RAP1GAP: variants seen among roughly 807,000 people sequenced by gnomAD.
The protein encoded by RAP1GAP is rap1 GTPase-activating protein 1.
RAP1GAP carries 35 observed loss-of-function variants against 87.2 expected under a neutral mutation model. That is an observed-to-expected ratio of 0.40 (90% CI 0.31 to 0.53). The LOEUF is 0.53. Among genes scored for constraint, RAP1GAP ranks in the 20% least tolerant of loss-of-function variants. RAP1GAP has a pLI of 0.48. For synonymous variants in RAP1GAP, 375 were observed against 363.9 expected (o/e 1.03, Z -0.35); for missense variants, 734 against 898.9 (o/e 0.82, Z 2.35).
chr1:21,612,904 A>C (rs2149411661), intron 10 of RAP1GAP: 1 of 507,746 alleles, frequency 2.0e-6, no homozygotes, highest in East Asian at 3.3e-5. Flanking sequence ...AGGGTCCCCA[A>C]ACATCACAGA....
At chr1:21,599,952 G>A (rs914426681) in intron 20 of RAP1GAP, among the ~76,000 whole-genome samples, 2 of 152,178 alleles carry the variant, frequency 1.3e-5, no homozygotes, top group Admixed American at 6.5e-5. Context: ...TCGGGTGCAC[G>A]TTCACTCTGC....
chr1:21,635,357 G>A (rs1339959904), intron 2 of RAP1GAP, among the ~76,000 whole-genome samples: 1 of 152,086 alleles, frequency 6.6e-6, no homozygotes, highest in Non-Finnish European at 1.5e-5. Flanking sequence ...TCACCCACTC[G>A]GTCATCTACC....
In RAP1GAP at chr1:21,643,566, AAAAAAAAAAG is replaced by A. The variant is rs1244836708; in HGVS notation, c.-113+6185_-113+6194del. Among the ~76,000 whole-genome samples the A allele has an allele frequency of 2.1e-3, 308 of 149,430 alleles. 2 individuals carry two copies. Among genetic ancestry groups the A allele is most frequent in the African/African-American group, 7.3e-3 (289 of 39,802 alleles). ...AGCAAGACTCCGTCTCAAAAAAAAA[AAAAAAAAAAG>A]AAAAAAGAAAAAAAGAAAATCCCCT... On this transcript the variant is annotated intron_variant, in intron 2 of 24. Transcript: ENST00000374765.
intron 1 of RAP1GAP, among the ~76,000 whole-genome samples, chr1:21,656,983 C>CT (rs2096891707): frequency 6.6e-6 from 1 of 152,202 alleles, no homozygotes; most frequent in Non-Finnish European, 1.5e-5. Flanking sequence ...ATTGAGCACC[C>CT]ACTGTGTGGC....
chr1:21,644,250 T>C (rs2095814669), intron 2 of RAP1GAP, among the ~76,000 whole-genome samples: 1 of 152,062 alleles, frequency 6.6e-6, no homozygotes, highest in Middle Eastern at 3.2e-3. Context: ...CCCTGCCAGC[T>C]CCCCCATGGC....
intron 13 of RAP1GAP, 100 bp from the exon 14 acceptor site, chr1:21,610,375 G>C: frequency 8.0e-7 from 1 of 1,256,876 alleles, no homozygotes. Context: ...TAGTCAGAGG[G>C]CACATCTAAG....
chr1:21,603,098 G>A lies in RAP1GAP; in HGVS notation c.1429-185C>T, dbSNP rs1405925250. ...TACGAAAGGGAAACAGTCCCCAGGAGGGCAAGGGGCTCTCCCGAGCTCACA... is the reference window on the plus strand; with the variant it reads ...TACGAAAGGGAAACAGTCCCCAGGAAGGCAAGGGGCTCTCCCGAGCTCACA... On this transcript the variant is annotated intron_variant, in intron 18 of 24. Coordinates refer to ENST00000374765, the MANE Select transcript of RAP1GAP (RefSeq NM_002885.4). This position sits in a 1 kb window ranked among gnomAD's most constrained non-coding sequence, Gnocchi z 6.0. 2 of 576,194 alleles carry A rather than the reference G, an allele frequency of 3.5e-6. No individual in the cohort carries two copies. Among genetic ancestry groups the A allele is most frequent in the Non-Finnish European group, 6.2e-6 (2 of 322,426 alleles). 35.7% of individuals were successfully genotyped at this position (576,194 alleles called of 1,614,324 possible).
At chr1:21,649,708 T>G in intron 2 of RAP1GAP, 53 bp downstream of exon 2, 1 of 1,525,442 alleles carries the variant, frequency 6.6e-7, no homozygotes, top group South Asian at 1.2e-5. Flanking sequence ...TGGGGGTATC[T>G]GCAGGGACCA....
intron 20 of RAP1GAP, among the ~76,000 whole-genome samples, chr1:21,600,110 G>A (rs1390775902): frequency 6.6e-6 from 1 of 152,122 alleles, no homozygotes; most frequent in Admixed American, 6.5e-5. Context: ...AGGGGTTGAG[G>A]TCCAGGCAAC....
rs148978590 is a variant in RAP1GAP, at chr1:21,633,811, T to C, written c.-112-7414A>G. On this transcript the variant is annotated intron_variant, in intron 2 of 24. Coordinates refer to ENST00000374765, the MANE Select transcript of RAP1GAP (RefSeq NM_002885.4). ...GGCCTGGGTCCAGTTCCCTGGGGTC[T>C]TCCTGGTTTCCAGGAGATCAACCTG... Among the ~76,000 whole-genome samples the C allele has an allele frequency of 7.3e-3, 1,112 of 152,264 alleles. 6 individuals carry two copies. Among genetic ancestry groups the C allele is most frequent in the Non-Finnish European group, 0.011 (723 of 67,998 alleles).
At chr1:21,608,187 G>C in intron 17 of RAP1GAP, 26 bp downstream of exon 17, 1 of 1,611,016 alleles carries the variant, frequency 6.2e-7, no homozygotes, top group Non-Finnish European at 8.5e-7. Flanking sequence ...CCTGCTCCCC[G>C]GCCAGTTAGA....
intron 1 of RAP1GAP, among the ~76,000 whole-genome samples, chr1:21,663,107 C>T (rs2097208249): frequency 6.6e-6 from 1 of 152,208 alleles, no homozygotes; most frequent in African/African-American, 2.4e-5. Flanking sequence ...GACTACAGAG[C>T]CCACACCTCT....
chr1:21,599,027 C>T (rs186434276), intron 21 of RAP1GAP, among the ~76,000 whole-genome samples: 1 of 152,350 alleles, frequency 6.6e-6, no homozygotes, highest in East Asian at 1.9e-4. Context: ...CCTAACCTAC[C>T]CCGAGATTAG....
intron 11 of RAP1GAP, 89 bp from the exon 12 acceptor site, chr1:21,611,905 G>A: frequency 1.3e-6 from 2 of 1,492,584 alleles, no homozygotes; most frequent in South Asian, 2.3e-5. Context: ...GGGCCGGAGG[G>A]AGGACCTCTG....
Position 21,622,027 on chromosome 1 carries a change from G to A in RAP1GAP, c.-18-1977C>T, listed in dbSNP as rs2088159274. On this transcript the variant is annotated intron_variant, in intron 3 of 24. Coordinates refer to ENST00000374765, the MANE Select transcript of RAP1GAP (RefSeq NM_002885.4). This position sits in a 1 kb window ranked among gnomAD's most constrained non-coding sequence, Gnocchi z 5.7. ...AGCACCACCACAAAGTGGCCCTGGA[G>A]CATTCAGAGCCCCCCAAACGGGGCA... Among the ~76,000 whole-genome samples, 2 of 152,292 alleles carry A rather than the reference G, an allele frequency of 1.3e-5. No homozygotes were observed. Among genetic ancestry groups the A allele is most frequent in the South Asian group, 2.1e-4 (1 of 4,832 alleles).
chr1:21,661,443 T>C (rs994883424), intron 1 of RAP1GAP, among the ~76,000 whole-genome samples: 7 of 152,108 alleles, frequency 4.6e-5, no homozygotes, highest in Admixed American at 6.6e-5. Flanking sequence ...ACTATGAACA[T>C]AAAGAAACAG....
At position 21,613,920 on chromosome 1, in the gene RAP1GAP, G is replaced by T; in HGVS notation, c.395+66C>A. 2.2e-6 allele frequency: 3 copies of T among 1,363,740 alleles called. No homozygotes were observed. The highest frequency in any genetic ancestry group is 3.1e-6 in the Non-Finnish European group (3 of 977,966). 84.5% of individuals were successfully genotyped at this position (1,363,740 alleles called of 1,614,324 possible). ...TTGATGAAGAGAGTGGGTCAAATGA[G>T]ATGGGCTCTGAGATTGTAAGACCTC... On this transcript the variant is annotated intron_variant, in intron 8 of 24. Transcript: ENST00000374765. The surrounding 1 kb of genome is among the most constrained non-coding windows in gnomAD (Gnocchi z 4.7).
Position 21,597,985 on chromosome 1 carries a change from T to A in RAP1GAP, c.1959A>T (p.Ala653=). ...CCAGCTGGGGCATGTGCTGCTCAGA[T>A]GCTTCCAGCTGGATCTTGATCTCGG... The part of the protein sequence containing the change: ...ACPEIKIQLE[A]SEQHMPQLGC Residue 653 remains alanine (A), a synonymous_variant, in exon 23 of 25, where the codon GCA becomes GCT. Coordinates refer to ENST00000374765, the MANE Select transcript of RAP1GAP (RefSeq NM_002885.4). 1 of 1,575,660 alleles carries A rather than the reference T, an allele frequency of 6.3e-7. No individual in the cohort carries two copies. The highest frequency in any genetic ancestry group is 1.2e-5 in the South Asian group (1 of 86,196).
intron 1 of RAP1GAP, 98 bp from the exon 2 acceptor site, chr1:21,649,894 A>G (rs1334445162): frequency 5.5e-6 from 7 of 1,283,686 alleles, no homozygotes; most frequent in Non-Finnish European, 7.7e-6. Flanking sequence ...ACCCTCCCAG[A>G]GGGGCTGGAG....
Sources: gnomAD v4.1 joint callset for allele counts (sites outside exome capture counted in the v4.1 genomes callset) on GRCh38, gnomAD v4.1.1 for gene constraint, Gnocchi (gnomAD v3.1) non-coding constraint, MANE v1.5 for transcripts, NCBI Gene and HGNC (gene_info 2026-07-23, HGNC 2026-07-21) for gene names.